The following COMMD1 variants were observed in gnomAD, a reference collection of about 807,000 sequenced individuals.
The protein encoded by COMMD1 is copper metabolism domain containing 1.
Under a neutral mutation model 17.2 loss-of-function variants are expected in COMMD1, and 10 were observed. The observed-to-expected ratio is 0.58, with a 90% CI of 0.36 to 0.99. COMMD1 has a LOEUF of 0.99. COMMD1 is among the 50% of genes least tolerant of loss of function. The probability of loss-of-function intolerance (pLI) is 0.01; values close to 1 mark genes in which losing one functional copy is unlikely to be tolerated. For synonymous variants in COMMD1, 97 were observed against 91.6 expected, an observed-to-expected ratio of 1.06 and a Z score of -0.34; for missense variants, 270 against 231.8, an observed-to-expected ratio of 1.17 and a Z score of -1.07.
At chr2:62,129,327 A>G (rs1558611560) in intron 2 of COMMD1, among the ~76,000 whole-genome samples, 2 of 152,232 alleles carry the variant, frequency 1.3e-5, no homozygotes, top group Admixed American at 6.5e-5. Context: ...TTTTTTGAGA[A>G]CAGCCCCACA....
At position 62,045,562 on chromosome 2, in the gene COMMD1, T is replaced by A. The variant is rs566793766; in HGVS notation, c.462+44580T>A. ...TATCATGCTTACTTTCCTTCTTCTT[T>A]TTTTTTTTTTTGTATTTTTAGTAGA... On this transcript the variant is annotated intron_variant, in intron 2 of 2. Coordinates refer to ENST00000311832, the MANE Select transcript of COMMD1 (RefSeq NM_152516.4). Among the ~76,000 whole-genome samples, 8 of 150,622 alleles carry A rather than the reference T, an allele frequency of 5.3e-5. No homozygotes were observed. In the South Asian group the frequency reaches 1.5e-3, roughly 28 times the overall value.
At chr2:62,074,492 AT>A (rs1339679733) in intron 2 of COMMD1, among the ~76,000 whole-genome samples, 2 of 152,198 alleles carry the variant, frequency 1.3e-5, no homozygotes, top group Non-Finnish European at 2.9e-5. Flanking sequence ...CACTTGGGAA[AT>A]TCCAAGGTTT....
intron 2 of COMMD1, among the ~76,000 whole-genome samples, chr2:62,098,421 T>A (rs943606872): frequency 6.6e-6 from 1 of 152,092 alleles, no homozygotes; most frequent in African/African-American, 2.4e-5. Flanking sequence ...TCCTTTTCTT[T>A]CTTAATGATT....
chr2:62,081,177 A>C (rs1671505755), intron 2 of COMMD1, among the ~76,000 whole-genome samples: 1 of 152,112 alleles, frequency 6.6e-6, no homozygotes, highest in East Asian at 1.9e-4. Flanking sequence ...CACTTCTGCC[A>C]GCAACATATC....
chr2:62,042,683 G>T (rs1670265546), intron 2 of COMMD1, among the ~76,000 whole-genome samples: 2 of 152,250 alleles, frequency 1.3e-5, no homozygotes, highest in African/African-American at 2.4e-5. Flanking sequence ...GGCTCCTCGA[G>T]CGCAGCCAGA....
chr2:61,992,774 A>C (rs1672284007), intron 1 of COMMD1, among the ~76,000 whole-genome samples: 1 of 152,138 alleles, frequency 6.6e-6, no homozygotes. Context: ...GTTGAGAACC[A>C]CTGTTTTGGT....
At chr2:61,977,447 T>C (rs992226479) in intron 1 of COMMD1, among the ~76,000 whole-genome samples, 2 of 150,994 alleles carry the variant, frequency 1.3e-5, no homozygotes, top group African/African-American at 4.9e-5. Context: ...TTTCTTCATG[T>C]TGGTTAGGCT....
chr2:61,894,722 T>C (rs1318947795), intron 1 of COMMD1, among the ~76,000 whole-genome samples: 3 of 151,654 alleles, frequency 2.0e-5, no homozygotes, highest in African/African-American at 7.2e-5. Flanking sequence ...TTTTTTGAGA[T>C]GGAGTCTCAC....
chr2:61,922,283 C>T (rs975794579), intron 1 of COMMD1, among the ~76,000 whole-genome samples: 2 of 152,148 alleles, frequency 1.3e-5, no homozygotes, highest in Non-Finnish European at 2.9e-5. Context: ...GATTGTGCTT[C>T]CATCCTATTT....
At chr2:61,985,556 C>T (rs528725152) in intron 1 of COMMD1, among the ~76,000 whole-genome samples, 1 of 152,196 alleles carries the variant, frequency 6.6e-6, no homozygotes, top group Non-Finnish European at 1.5e-5. Context: ...CCCTTCTTTT[C>T]TTCCTCCTTG....
chr2:62,041,940 G>A (rs922156604), intron 2 of COMMD1, among the ~76,000 whole-genome samples: 2 of 152,236 alleles, frequency 1.3e-5, no homozygotes, highest in Non-Finnish European at 2.9e-5. Context: ...AAAGAACTAA[G>A]CTTCCACACT....
intron 2 of COMMD1, among the ~76,000 whole-genome samples, chr2:62,060,777 T>C (rs2103938614): frequency 6.6e-6 from 1 of 152,334 alleles, no homozygotes; most frequent in South Asian, 2.1e-4. Flanking sequence ...AACAGTTTTG[T>C]TGTTTGTCTT....
At chr2:62,016,556 C>T (rs1329548344) in intron 2 of COMMD1, among the ~76,000 whole-genome samples, 1 of 149,980 alleles carries the variant, frequency 6.7e-6, no homozygotes, top group South Asian at 2.1e-4. Flanking sequence ...TCATTTTATG[C>T]ACTTTTATTG....
At chr2:61,896,819 C>CTTT (rs112184843) in intron 1 of COMMD1, among the ~76,000 whole-genome samples, 140 of 137,170 alleles carry the variant, frequency 1.0e-3, no homozygotes, top group African/African-American at 2.6e-3. Flanking sequence ...TTTTCCTTTT[C>CTTT]TTTTTTTTTT....
chr2:62,085,824 AC>A (rs879769637), intron 2 of COMMD1, among the ~76,000 whole-genome samples: 2 of 151,826 alleles, frequency 1.3e-5, no homozygotes, highest in Admixed American at 1.3e-4. Flanking sequence ...CTAAAAAAAT[AC>A]AAAAAATTAG....
rs146717563 is a variant in COMMD1 at position 61,892,421 on chromosome 2, C to T, written n.119+3579C>T. ...AAAAGAAGAGAGGAGGGGCCAGGTG[C>T]GGTGGCTCATGCTGTAATCCCAGCA... is the stretch of plus-strand genomic sequence containing the variant. On this transcript the variant is annotated intron_variant and non_coding_transcript_variant, in intron 1 of 2. Transcript: ENST00000472729. Among the ~76,000 whole-genome samples, 769 of 151,994 alleles carry T rather than the reference C, an allele frequency of 5.1e-3. 7 individuals are homozygous for T. Among genetic ancestry groups the T allele is most frequent in the African/African-American group, 0.017 (715 of 41,462 alleles).
At position 61,979,188 on chromosome 2, in the gene COMMD1, AGCT is replaced by A. The variant is rs1207343266; in HGVS notation, c.181-21512_181-21510del. On this transcript the variant is annotated intron_variant, in intron 1 of 2. Coordinates refer to ENST00000311832, the MANE Select transcript of COMMD1 (RefSeq NM_152516.4). ...CCTGAGTTCAATTGTTTTAATTTCTAGCTCCCACAAGTAAGTGAGAATAGGCCA... is the reference window on the plus strand; with the variant it reads ...CCTGAGTTCAATTGTTTTAATTTCTACCCACAAGTAAGTGAGAATAGGCCA... Among the ~76,000 whole-genome samples the A allele has an allele frequency of 2.0e-5, 3 of 151,984 alleles. No individual in the cohort carries two copies. In the East Asian group the frequency reaches 5.8e-4, roughly 29 times the overall value.
At chr2:61,900,935 A>G (rs1224787356), upstream of COMMD1, among the ~76,000 whole-genome samples, 1 of 152,168 alleles carries the variant, frequency 6.6e-6, no homozygotes, top group Non-Finnish European at 1.5e-5. Context: ...AAAATTTTAA[A>G]TTAAAACACT....
chr2:61,910,849 C>T (rs940256338), intron 1 of COMMD1, among the ~76,000 whole-genome samples: 8 of 151,836 alleles, frequency 5.3e-5, no homozygotes, highest in Non-Finnish European at 7.4e-5. Context: ...TTTGGGAGGC[C>T]GGGTCAGGTG....
Sources: gnomAD v4.1 joint callset for allele counts (sites outside exome capture counted in the v4.1 genomes callset) on GRCh38, gnomAD v4.1.1 for gene constraint, MANE v1.5 for transcripts, NCBI Gene and HGNC (gene_info 2026-07-23, HGNC 2026-07-21) for gene names.